Variants in DGKA observed in about 807,000 individuals in gnomAD.
DGKA encodes diacylglycerol kinase alpha.
A neutral mutation model predicts 105.0 loss-of-function variants in DGKA; 35 were observed. The observed-to-expected ratio is 0.33, with a 90% confidence interval of 0.25 to 0.44. The LOEUF (loss-of-function observed/expected upper bound fraction) is 0.44, where lower values mean the gene tolerates loss of function less well. Among genes scored for constraint, DGKA ranks in the 20% least tolerant of loss-of-function variants. The pLI is 1.00. For missense variants in DGKA, 665 were observed against 915.0 expected, an observed-to-expected ratio of 0.73 and a Z score of 3.53; for synonymous variants, 296 against 332.0, an observed-to-expected ratio of 0.89 and a Z score of 1.18.
intron 17 of DGKA, among the ~76,000 whole-genome samples, chr12:55,949,399 A>G (rs1887698556): frequency 6.6e-6 from 1 of 152,092 alleles, no homozygotes; most frequent in Admixed American, 6.5e-5. Flanking sequence ...GGGTTTCACC[A>G]TGTTGGCCAG....
intron 23 of DGKA, 91 bp downstream of exon 23, chr12:55,953,501 G>A: frequency 7.1e-7 from 1 of 1,411,098 alleles, no homozygotes; most frequent in South Asian, 1.2e-5. Flanking sequence ...CCCTTCTGAT[G>A]CCTGAACTTC....
At chr12:55,946,052 T>C (rs1592721018) in intron 17 of DGKA, among the ~76,000 whole-genome samples, 1 of 151,708 alleles carries the variant, frequency 6.6e-6, no homozygotes, top group African/African-American at 2.4e-5. Context: ...CCTCCCAAAG[T>C]GCTGAGATTA....
In DGKA at chr12:55,952,271, C is replaced by A; in HGVS notation, c.1653-70C>A. On this transcript the variant is annotated intron_variant, in intron 19 of 23. Coordinates refer to ENST00000331886, the MANE Select transcript of DGKA (RefSeq NM_001345.5). The surrounding 1 kb of genome is among the most constrained non-coding windows in gnomAD (Gnocchi z 5.1). Reference sequence around the variant, plus strand: ...TTAGGAGGTTGATGCCCTTCCCTGTCACGTACCACCCCTGCCAGCACTGTG... The same window carrying A: ...TTAGGAGGTTGATGCCCTTCCCTGTAACGTACCACCCCTGCCAGCACTGTG... 1 of 1,548,346 alleles carries A rather than the reference C, an allele frequency of 6.5e-7. No homozygotes were observed. Among genetic ancestry groups the A allele is most frequent in the South Asian group, 1.1e-5 (1 of 89,570 alleles).
chr12:55,927,742 G>T, upstream of DGKA: 1 of 1,539,920 alleles, frequency 6.5e-7, no homozygotes, highest in Admixed American at 2.0e-5. Context: ...CGTAGCCGCA[G>T]GGCTGCCGGC....
chr12:55,941,546 A>C lies in DGKA; in HGVS notation c.1212A>C (p.Arg404=), dbSNP rs765678804. 1 of 1,614,178 alleles carries C rather than the reference A, an allele frequency of 6.2e-7. No homozygotes were observed. Among genetic ancestry groups the C allele is most frequent in the Admixed American group, 1.7e-5 (1 of 60,024 alleles). Residue 404 remains arginine, a synonymous_variant, in exon 15 of 24, where the codon CGA becomes CGC. Transcript: ENST00000331886. ...AGTTCCAGTATATATTAAACCCTCG[A>C]CAGGTGTTCAACCTCCTAAAGGATG... The part of the protein sequence containing the change: ...LWKFQYILNP[R]QVFNLLKDGP...
In DGKA at chr12:55,939,634, T is replaced by C; in HGVS notation, c.709+105T>C. On this transcript the variant is annotated intron_variant, in intron 9 of 23. Coordinates refer to ENST00000331886, the MANE Select transcript of DGKA (RefSeq NM_001345.5). Reference sequence around the variant, plus strand: ...AGACCTAGGTTTGAATCCTGGGCTCTGCCACTGACTAGTTATGTGACCTTG... The same window carrying C: ...AGACCTAGGTTTGAATCCTGGGCTCCGCCACTGACTAGTTATGTGACCTTG... 3 of 1,057,662 alleles carry C rather than the reference T, an allele frequency of 2.8e-6. No homozygotes were observed. In the South Asian group the frequency reaches 4.2e-5, roughly 15 times the overall value. The allele number at this position is 1,057,662 out of a possible 1,614,324, so 65.5% of individuals were successfully genotyped here. A position where few individuals can be genotyped will look rare whatever the true frequency, so the allele number is the denominator to read the frequency against.
chr12:55,941,654 G>T, intron 15 of DGKA, 70 bp downstream of exon 15: 1 of 1,484,796 alleles, frequency 6.7e-7, no homozygotes, highest in Non-Finnish European at 9.4e-7. Flanking sequence ...TTAGGAGAGT[G>T]CAGGAAAGAG....
intron 2 of DGKA, 192 bp downstream of exon 2, chr12:55,936,759 T>C: frequency 1.1e-6 from 1 of 924,040 alleles, no homozygotes; most frequent in East Asian, 2.4e-5. Context: ...TCTACCACAG[T>C]CTAACTGGGC....
chr12:55,928,783 T>G (rs957909407), upstream of DGKA, among the ~76,000 whole-genome samples: 1 of 151,788 alleles, frequency 6.6e-6, no homozygotes, highest in African/African-American at 2.4e-5. Context: ...GGGCCGCAGC[T>G]TGCCTTCCTT....
chr12:55,940,209 A>G lies in DGKA; in HGVS notation c.798+39A>G. 6.2e-7 allele frequency: 1 copy of G among 1,613,436 alleles called. No individual in the cohort carries two copies. Among genetic ancestry groups the G allele is most frequent in the Non-Finnish European group, 8.5e-7 (1 of 1,179,418 alleles). On this transcript the variant is annotated intron_variant, in intron 10 of 23. Transcript: ENST00000331886. This position sits in a 1 kb window ranked among gnomAD's most constrained non-coding sequence, Gnocchi z 4.3. ...TGCCTCCACCCCCAACATCACCTAC[A>G]TCCTGGCCCTGGCCCTGGCCCTTGG...
chr12:55,929,297 TGA>T (rs893703134), upstream of DGKA: 15 of 152,250 alleles, frequency 9.9e-5, no homozygotes, highest in African/African-American at 3.6e-4. Flanking sequence ...TGATTAGACG[TGA>T]GAGTGTGGGA....
chr12:55,936,553 A>G lies in DGKA; in HGVS notation c.50A>G (p.Gln17Arg), dbSNP rs774720561. The G allele has an allele frequency of 3.7e-5, 60 of 1,614,034 alleles. No homozygotes were observed. The highest frequency in any genetic ancestry group is 1.6e-4 in the Middle Eastern group (1 of 6,084). ...AGCCCCAGTGATTTTGCCCAGCTGC[A>G]AAAATACATGGAATGTGAGTCTTCC... The part of the protein sequence containing the change: ...LISPSDFAQL[Q>R]KYMEYSTKKV... The change falls in exon 2 of 24, where the codon CAA (glutamine) becomes CGA (arginine). Residue 17 changes from glutamine to arginine, a missense_variant. Coordinates refer to ENST00000331886, the MANE Select transcript of DGKA (RefSeq NM_001345.5).
intron 22 of DGKA, 35 bp downstream of exon 22, chr12:55,953,195 G>C (rs771456145): frequency 1.2e-6 from 2 of 1,613,738 alleles, no homozygotes; most frequent in East Asian, 4.5e-5. Context: ...CTGAGGGAAG[G>C]TGTGGGGCTG....
At position 55,932,732 on chromosome 12, in the gene DGKA, CA is replaced by C; in HGVS notation, c.-82+1389del. On this transcript the variant is annotated intron_variant, in intron 1 of 23. Coordinates refer to ENST00000331886, the MANE Select transcript of DGKA (RefSeq NM_001345.5). The surrounding 1 kb of genome is among the most constrained non-coding windows in gnomAD (Gnocchi z 4.3). ...ACGCACACACACACACACACACACACACACACACAACCCCCTCAGCCAGGTG... is the reference window on the plus strand; with the variant it reads ...ACGCACACACACACACACACACACACCACACACAACCCCCTCAGCCAGGTG... 1.6e-6 allele frequency: 1 copy of C among 625,722 alleles called. No homozygotes were observed. The highest frequency in any genetic ancestry group is 2.9e-6 in the Non-Finnish European group (1 of 342,062). The allele number at this position is 625,722 out of a possible 1,614,324, so 38.8% of individuals were successfully genotyped here.
intron 17 of DGKA, among the ~76,000 whole-genome samples, chr12:55,945,987 C>T (rs996291011): frequency 1.3e-5 from 2 of 152,044 alleles, no homozygotes; most frequent in Admixed American, 6.6e-5. Context: ...CAGGTTTCAC[C>T]GTGCTGCCCA....
rs747904369 is a variant in DGKA at position 55,952,131 on chromosome 12, C to G, written c.1652+32C>G. On this transcript the variant is annotated intron_variant, in intron 19 of 23. Transcript: ENST00000331886. This position sits in a 1 kb window ranked among gnomAD's most constrained non-coding sequence, Gnocchi z 5.1. ...GAAAGGAGGGGGCAGTGTGGGCATACACAGTGTCAGGAGCCAGGTTTTGAC... is the reference window on the plus strand; with the variant it reads ...GAAAGGAGGGGGCAGTGTGGGCATAGACAGTGTCAGGAGCCAGGTTTTGAC... The G allele has an allele frequency of 6.2e-7, 1 of 1,613,086 alleles. No individual in the cohort carries two copies. The highest frequency in any genetic ancestry group is 1.7e-5 in the Admixed American group (1 of 59,998).
At position 55,952,214 on chromosome 12, in the gene DGKA, CA is replaced by C; in HGVS notation, c.1652+118del. 2.0e-6 allele frequency: 3 copies of C among 1,511,134 alleles called. No homozygotes were observed. Among genetic ancestry groups the C allele is most frequent in the Non-Finnish European group, 2.8e-6 (3 of 1,088,406 alleles). 93.6% of individuals were successfully genotyped at this position (1,511,134 alleles called of 1,614,324 possible). A position where few individuals can be genotyped will look rare whatever the true frequency, so the allele number is the denominator to read the frequency against. The stretch of plus-strand genomic sequence containing the variant: ...GGCACCTCTAGGAGGTCCCCCCAAC[CA>C]AAGCCACCCTTGTTCCCCATGGGAC... On this transcript the variant is annotated intron_variant, in intron 19 of 23. Transcript: ENST00000331886. This position sits in a 1 kb window ranked among gnomAD's most constrained non-coding sequence, Gnocchi z 5.1.
Position 55,953,871 on chromosome 12 carries a change from T to C in DGKA, c.*103T>C. ...TTGCTGCCACATACTCCTGCCAGCT[T>C]GGGGGAGTGTTCCTTCACCCTCACA... On this transcript the variant is annotated 3_prime_UTR_variant, in exon 24 of 24. Coordinates refer to ENST00000331886, the MANE Select transcript of DGKA (RefSeq NM_001345.5). 1.0e-6 allele frequency: 1 copy of C among 1,005,012 alleles called. No homozygotes were observed. Among genetic ancestry groups the C allele is most frequent in the Non-Finnish European group, 1.5e-6 (1 of 656,030 alleles). The allele number at this position is 1,005,012 out of a possible 1,614,324, so 62.3% of individuals were successfully genotyped here. A position where few individuals can be genotyped will look rare whatever the true frequency, so the allele number is the denominator to read the frequency against.
Position 55,940,616 on chromosome 12 carries a change from T to C in DGKA, c.919-8T>C. 1 of 1,572,152 alleles carries C rather than the reference T, an allele frequency of 6.4e-7. No homozygotes were observed. Among genetic ancestry groups the C allele is most frequent in the Admixed American group, 2.0e-5 (1 of 51,218 alleles). ...TCGTGATCTCTCTGTGCCCACCTCG[T>C]CTTTCAGATCCACGATGACTGCCTG... On this transcript the variant is annotated splice_polypyrimidine_tract_variant and splice_region_variant and intron_variant, in intron 11 of 23. Transcript: ENST00000331886. The surrounding 1 kb of genome is among the most constrained non-coding windows in gnomAD (Gnocchi z 4.3).
Sources: gnomAD v4.1 joint callset for allele counts (sites outside exome capture counted in the v4.1 genomes callset) on GRCh38, gnomAD v4.1.1 for gene constraint, Gnocchi (gnomAD v3.1) non-coding constraint, MANE v1.5 for transcripts, NCBI Gene and HGNC (gene_info 2026-07-23, HGNC 2026-07-21) for gene names.